Variants in LIPH observed in about 807,000 individuals in gnomAD.
LIPH encodes lipase member H.
In LIPH, 32 loss-of-function variants were observed where a neutral mutation model predicts 47.6. That is an observed-to-expected ratio of 0.67 (90% CI 0.51 to 0.90). The LOEUF is 0.90. LIPH is among the 40% of genes least tolerant of loss of function. The pLI is 0.00. For synonymous variants in LIPH, 190 were observed against 195.6 expected (o/e 0.97, Z 0.24); for missense variants, 497 against 541.4 (o/e 0.92, Z 0.81).
intron 1 of LIPH, among the ~76,000 whole-genome samples, chr3:185,541,278 G>T (rs1295041344): frequency 6.6e-6 from 1 of 151,902 alleles, no homozygotes; most frequent in Non-Finnish European, 1.5e-5. Context: ...GACCTATATT[G>T]CCTCTCAAAT....
Position 185,509,586 on chromosome 3 carries a change from C to T in LIPH, c.1269-709G>A, listed in dbSNP as rs557598956. On this transcript the variant is annotated intron_variant, in intron 9 of 9. Transcript: ENST00000296252. The stretch of plus-strand genomic sequence containing the variant: ...TGGAGGTTGCAGTGAGCCAAGAACG[C>T]GCTACTACTGTACTCCAGCCTGGGT... 1.8e-4 allele frequency among the ~76,000 whole-genome samples: 27 copies of T among 152,002 alleles called. 1 individual carries two copies. In the South Asian group the frequency reaches 3.1e-3, roughly 18 times the overall value.
chr3:185,542,384 C>T (rs998590499), intron 1 of LIPH, among the ~76,000 whole-genome samples: 10 of 151,414 alleles, frequency 6.6e-5, no homozygotes, highest in African/African-American at 1.5e-4. Flanking sequence ...GGCGAGATCT[C>T]GGCTCACTGC....
rs66966684 is a variant in LIPH, at chr3:185,509,946, CTT to C, written c.1269-1071_1269-1070del. Among the ~76,000 whole-genome samples the C allele has an allele frequency of 1.8e-3, 208 of 118,404 alleles. 2 individuals are homozygous for C. The highest frequency in any genetic ancestry group is 3.4e-3 in the African/African-American group (108 of 32,082). 77.7% of individuals were successfully genotyped at this position (118,404 alleles called of 152,430 possible). On this transcript the variant is annotated intron_variant, in intron 9 of 9. Coordinates refer to ENST00000296252, the MANE Select transcript of LIPH (RefSeq NM_139248.3). The stretch of plus-strand genomic sequence containing the variant: ...ACCCTAAACTTTCTTTTTTTGTTTT[CTT>C]TTTTTTTTTTTTTTTTGAGACAGGG...
At chr3:185,510,604 G>T (rs977850941) in intron 9 of LIPH, among the ~76,000 whole-genome samples, 4 of 152,108 alleles carry the variant, frequency 2.6e-5, no homozygotes, top group Admixed American at 1.3e-4. Context: ...TACTGTCAAG[G>T]GTACAGTGGC....
intron 4 of LIPH, among the ~76,000 whole-genome samples, chr3:185,525,347 C>T (rs551261075): frequency 1.3e-5 from 2 of 152,184 alleles, no homozygotes; most frequent in African/African-American, 4.8e-5. Flanking sequence ...TACATATGCA[C>T]ATGTATATAC....
chr3:185,533,504 T>C, intron 3 of LIPH, 67 bp downstream of exon 3: 1 of 1,025,474 alleles, frequency 9.8e-7, no homozygotes, highest in Non-Finnish European at 1.6e-6. Flanking sequence ...TGGATTGGCC[T>C]ACATAATACT....
At chr3:185,534,677 G>C in intron 2 of LIPH, 88 bp downstream of exon 2, 1 of 1,382,210 alleles carries the variant, frequency 7.2e-7, no homozygotes, top group Non-Finnish European at 1.0e-6. Context: ...TAGGCCTCCT[G>C]CTCACTGTAG....
chr3:185,540,453 C>T (rs1027829492), intron 1 of LIPH, among the ~76,000 whole-genome samples: 1 of 152,188 alleles, frequency 6.6e-6, no homozygotes, highest in Non-Finnish European at 1.5e-5. Flanking sequence ...CCTGGTGGCT[C>T]ACTCCTGTAA....
At chr3:185,540,220 T>C (rs1356458497) in intron 1 of LIPH, among the ~76,000 whole-genome samples, 1 of 152,198 alleles carries the variant, frequency 6.6e-6, no homozygotes, top group Admixed American at 6.5e-5. Flanking sequence ...AGGTCCCACA[T>C]GGACACGACT....
At position 185,535,088 on chromosome 3, in the gene LIPH, T is replaced by C. The variant is rs1720464320; in HGVS notation, c.94A>G (p.Ser32Gly). The C allele has an allele frequency of 1.9e-6, 3 of 1,614,064 alleles. No individual in the cohort carries two copies. The highest frequency in any genetic ancestry group is 1.3e-5 in the African/African-American group (1 of 74,916). ...CPSFTRLSFHSAVVGTGLNVR... is the reference protein window; with the variant it reads ...CPSFTRLSFHGAVVGTGLNVR... ...TTTAGTCCCGTACCAACCACTGCAC[T>C]GTGAAAGCTCAGCCTGGTGAATGAA... is the stretch of plus-strand genomic sequence containing the variant. The change falls in exon 2 of 10, where the codon AGT (serine) becomes GGT (glycine). Residue 32 changes from serine (S) to glycine (G), a missense_variant. By Grantham distance (56) the Ser-to-Gly change is moderately conservative. Transcript: ENST00000296252.
Position 185,519,293 on chromosome 3 carries a change from T to C in LIPH, c.735A>G (p.Lys245=). 6.2e-7 allele frequency: 1 copy of C among 1,612,794 alleles called. No individual in the cohort carries two copies. Among genetic ancestry groups the C allele is most frequent in the African/African-American group, 1.3e-5 (1 of 75,020 alleles). The change falls in exon 6 of 10, where the codon AAA becomes AAG. Residue 245 remains lysine (K), a synonymous_variant. Coordinates refer to ENST00000296252, the MANE Select transcript of LIPH (RefSeq NM_139248.3). ...GGTATACAGACCTCTGGTGGTCACA[T>C]TTAAAATACTGAAATCCTTGGTTGT... ...KTILGGFQYF[K]CDHQRSVYLY...
chr3:185,517,205 T>C (rs1157105723), intron 6 of LIPH, 43 bp from the exon 7 acceptor site: 3 of 1,090,464 alleles, frequency 2.8e-6, no homozygotes, highest in East Asian at 4.7e-5. Flanking sequence ...ATATGTATTA[T>C]ACAAACATAA....
intron 1 of LIPH, among the ~76,000 whole-genome samples, chr3:185,537,850 C>A (rs1378226589): frequency 6.6e-6 from 1 of 152,196 alleles, no homozygotes; most frequent in African/African-American, 2.4e-5. Context: ...CTCTGTCACC[C>A]AGGCTGGAGT....
At chr3:185,535,217 T>G in intron 1 of LIPH, 85 bp from the exon 2 acceptor site, 1 of 1,499,012 alleles carries the variant, frequency 6.7e-7, no homozygotes, top group South Asian at 1.2e-5. Context: ...TTTGTAGGAG[T>G]TCTTCTTATG....
At chr3:185,527,639 C>G (rs77723999) in intron 3 of LIPH, 54 bp from the exon 4 acceptor site, 5 of 1,179,846 alleles carry the variant, frequency 4.2e-6, no homozygotes, top group Admixed American at 1.7e-5. Context: ...CACCTGCAGC[C>G]GGGCCTTTGA....
chr3:185,509,593 A>G (rs1336707835), intron 9 of LIPH, among the ~76,000 whole-genome samples: 5 of 152,194 alleles, frequency 3.3e-5, no homozygotes, highest in Admixed American at 6.5e-5. Context: ...ACGCGCTACT[A>G]CTGTACTCCA....
At chr3:185,522,528 A>T (rs1458120557) in intron 5 of LIPH, among the ~76,000 whole-genome samples, 2 of 150,496 alleles carry the variant, frequency 1.3e-5, no homozygotes, top group Admixed American at 1.3e-4. Flanking sequence ...AGGAAGGGAA[A>T]GGAAGGAAGG....
At chr3:185,518,862 C>G (rs2148949960) in intron 6 of LIPH, among the ~76,000 whole-genome samples, 1 of 151,974 alleles carries the variant, frequency 6.6e-6, no homozygotes, top group South Asian at 2.1e-4. Context: ...GTAGCTGGGA[C>G]TACAGGCACG....
Position 185,519,340 on chromosome 3 carries a change from G to C in LIPH, c.719-31C>G, listed in dbSNP as rs1462277279. 2.0e-6 allele frequency: 3 copies of C among 1,510,568 alleles called. 1 individual carries two copies. Among genetic ancestry groups the C allele is most frequent in the South Asian group, 2.3e-5 (2 of 88,784 alleles). The allele number at this position is 1,510,568 out of a possible 1,614,324, so 93.6% of individuals were successfully genotyped here. A position where few individuals can be genotyped will look rare whatever the true frequency, so the allele number is the denominator to read the frequency against. On this transcript the variant is annotated intron_variant, in intron 5 of 9. Transcript: ENST00000296252. Reference sequence around the variant, plus strand: ...TTGTAAAAGAAGTGATGAAAGAGTAGAGCGGTTGAAGCATTTAGTAATACT... The same window carrying C: ...TTGTAAAAGAAGTGATGAAAGAGTACAGCGGTTGAAGCATTTAGTAATACT...
Sources: allele counts gnomAD v4.1 joint callset (sites outside exome capture counted in the v4.1 genomes callset), GRCh38; gene constraint gnomAD v4.1.1; transcripts MANE v1.5; gene names NCBI Gene and HGNC (gene_info 2026-07-23, HGNC 2026-07-21).